Variants in FFAR4 observed in about 807,000 individuals in gnomAD.
The protein encoded by FFAR4 is G-protein coupled receptor 120.
A neutral mutation model predicts 27.0 loss-of-function variants in FFAR4; 19 were observed. The ratio of observed to expected loss-of-function variants is 0.70; its 90% CI spans 0.49 to 1.03. The LOEUF (loss-of-function observed/expected upper bound fraction) is 1.03. FFAR4 is among the 50% of genes least tolerant of loss of function. The pLI, the probability that FFAR4 is intolerant of heterozygous loss-of-function variation, is 0.00. For missense variants in FFAR4, 476 were observed against 479.0 expected, an observed-to-expected ratio of 0.99 and a Z score of 0.06; for synonymous variants, 254 against 215.6, an observed-to-expected ratio of 1.18 and a Z score of -1.56.
At chr10:93,570,771 A>G (rs1301997164) in intron 1 of FFAR4, among the ~76,000 whole-genome samples, 1 of 152,188 alleles carries the variant, frequency 6.6e-6, no homozygotes, top group African/African-American at 2.4e-5. Flanking sequence ...GAGGTGATAA[A>G]TATCCTAGAA....
chr10:93,586,982 G>T (rs11187535), intron 2 of FFAR4, among the ~76,000 whole-genome samples: 44,396 of 151,918 alleles, frequency 0.29, 6,854 homozygotes, highest in African/African-American at 0.37. Context: ...CCCAATTCAG[G>T]CTTTTCACTT....
At chr10:93,575,068 T>C (rs1041963485) in intron 1 of FFAR4, among the ~76,000 whole-genome samples, 1 of 152,254 alleles carries the variant, frequency 6.6e-6, no homozygotes, top group African/African-American at 2.4e-5. Flanking sequence ...AGTGAATGAA[T>C]GAATGAATGG....
At chr10:93,586,732 C>T (rs1440518794) in intron 2 of FFAR4, among the ~76,000 whole-genome samples, 1 of 152,146 alleles carries the variant, frequency 6.6e-6, no homozygotes, top group Non-Finnish European at 1.5e-5. Flanking sequence ...TGCCTGCAAT[C>T]CCACGCCAGG....
intron 2 of FFAR4, among the ~76,000 whole-genome samples, chr10:93,582,106 A>G (rs2058200732): frequency 6.6e-6 from 1 of 152,210 alleles, no homozygotes; most frequent in Admixed American, 6.5e-5. Context: ...GAAATCCTGG[A>G]TCAATGTTAA....
At chr10:93,586,055 C>CG (rs2058225112) in intron 2 of FFAR4, among the ~76,000 whole-genome samples, 1 of 152,240 alleles carries the variant, frequency 6.6e-6, no homozygotes. Context: ...ATCTCCCACT[C>CG]AACAACCTGT....
At chr10:93,575,442 A>T (rs1041909721) in intron 1 of FFAR4, among the ~76,000 whole-genome samples, 1 of 152,260 alleles carries the variant, frequency 6.6e-6, no homozygotes, top group African/African-American at 2.4e-5. Context: ...TAGCAGCAAG[A>T]TCACAAACCT....
In FFAR4 at chr10:93,589,299, C is replaced by T. The variant is rs2058248914; in HGVS notation, c.*1690C>T. On this transcript the variant is annotated 3_prime_UTR_variant, in exon 3 of 3. Coordinates refer to ENST00000371481, the MANE Select transcript of FFAR4 (RefSeq NM_001195755.2). Reference sequence around the variant, plus strand: ...CTGATGAATGTGTGCAAAGATTACCCTGGCTGCTGGGCAGGGAATAGACTC... The same window carrying T: ...CTGATGAATGTGTGCAAAGATTACCTTGGCTGCTGGGCAGGGAATAGACTC... 1 of 152,354 alleles carries T rather than the reference C, an allele frequency of 6.6e-6. No homozygotes were observed. The highest frequency in any genetic ancestry group is 6.5e-5 in the Admixed American group (1 of 15,268). 9.4% of individuals were successfully genotyped at this position (152,354 alleles called of 1,614,324 possible). A position where few individuals can be genotyped will look rare whatever the true frequency, so the allele number is the denominator to read the frequency against.
chr10:93,585,790 G>A (rs2058223506), intron 2 of FFAR4, among the ~76,000 whole-genome samples: 1 of 152,198 alleles, frequency 6.6e-6, no homozygotes, highest in Admixed American at 6.5e-5. Context: ...CCAACCCATG[G>A]GCAGGCCCTT....
chr10:93,578,568 T>G (rs2058179620), intron 2 of FFAR4, among the ~76,000 whole-genome samples: 1 of 152,212 alleles, frequency 6.6e-6, no homozygotes, highest in Non-Finnish European at 1.5e-5. Flanking sequence ...TTACCATCTC[T>G]GGGCCTCAGT....
At chr10:93,583,702 TG>T (rs1226704265) in intron 2 of FFAR4, among the ~76,000 whole-genome samples, 2 of 152,192 alleles carry the variant, frequency 1.3e-5, no homozygotes, top group Non-Finnish European at 2.9e-5. Flanking sequence ...AGCTGAGTAC[TG>T]GTGGGCAAGT....
At chr10:93,570,578 A>G (rs1003790334) in intron 1 of FFAR4, among the ~76,000 whole-genome samples, 1 of 152,216 alleles carries the variant, frequency 6.6e-6, no homozygotes, top group African/African-American at 2.4e-5. Flanking sequence ...GAGAGAATCA[A>G]CCAAGCCTAA....
At position 93,567,080 on chromosome 10, in the gene FFAR4, G is replaced by C. The variant is rs2058102035; in HGVS notation, c.360G>C (p.Leu120=). Residue 120 remains leucine (L), a synonymous_variant, in exon 1 of 3, where the codon CTG becomes CTC. Coordinates refer to ENST00000371481, the MANE Select transcript of FFAR4 (RefSeq NM_001195755.2). ...ACCTGCTCTTCTACGTGATGACCCT[G>C]AGCGGCAGCGTCACCATCCTCACGC... The part of the protein sequence containing the change: ...ACHLLFYVMT[L]SGSVTILTLA... The C allele has an allele frequency of 1.2e-6, 2 of 1,610,352 alleles. No individual in the cohort carries two copies. The highest frequency in any genetic ancestry group is 1.7e-6 in the Non-Finnish European group (2 of 1,179,268).
intron 2 of FFAR4, chr10:93,579,204 G>A: frequency 1.2e-6 from 2 of 1,612,970 alleles, no homozygotes; most frequent in Non-Finnish European, 1.7e-6. Context: ...GACTCACAGT[G>A]AGGTAAAAGG....
At chr10:93,579,099 T>A in intron 2 of FFAR4, 1 of 1,502,646 alleles carries the variant, frequency 6.7e-7, no homozygotes, top group Non-Finnish European at 9.3e-7. Context: ...AAACAGCAGT[T>A]TACTCTCGAA....
chr10:93,573,458 C>T (rs1407494609), intron 1 of FFAR4, among the ~76,000 whole-genome samples: 1 of 152,210 alleles, frequency 6.6e-6, no homozygotes, highest in African/African-American at 2.4e-5. Context: ...CTACATGTCA[C>T]AGCCTGCGGG....
intron 2 of FFAR4, 147 bp from the exon 3 acceptor site, chr10:93,587,073 A>G: frequency 1.5e-6 from 1 of 656,054 alleles, no homozygotes; most frequent in South Asian, 2.1e-5. Context: ...TTTCTCCAGC[A>G]CATCCTAAGC....
At chr10:93,585,995 A>G (rs1028345593) in intron 2 of FFAR4, among the ~76,000 whole-genome samples, 1 of 152,238 alleles carries the variant, frequency 6.6e-6, no homozygotes, top group Non-Finnish European at 1.5e-5. Context: ...AAAGGAACCT[A>G]GGGTGGGGTC....
In FFAR4 at chr10:93,566,789, C is replaced by A. The variant is rs760545954; in HGVS notation, c.69C>A (p.Thr23=). The A allele has an allele frequency of 1.2e-6, 2 of 1,608,934 alleles. No individual in the cohort carries two copies. Among genetic ancestry groups the A allele is most frequent in the South Asian group, 2.2e-5 (2 of 90,694 alleles). The change falls in exon 1 of 3, where the codon ACC becomes ACA. Residue 23 remains threonine (T), a synonymous_variant. Transcript: ENST00000371481. The part of the protein sequence containing the change: ...PLRSLEQANR[T]RFPFFSDVKG... ...GCAGCCTGGAGCAAGCCAACCGCAC[C>A]CGCTTTCCCTTCTTCTCCGACGTCA...
chr10:93,571,874 A>T (rs928904072), intron 1 of FFAR4, among the ~76,000 whole-genome samples: 6 of 152,140 alleles, frequency 3.9e-5, no homozygotes, highest in Non-Finnish European at 1.5e-5. Flanking sequence ...GGGTCTCCAG[A>T]GGTACTGCAG....
Sources: gnomAD v4.1 joint callset for allele counts (sites outside exome capture counted in the v4.1 genomes callset) on GRCh38, gnomAD v4.1.1 for gene constraint, MANE v1.5 for transcripts, NCBI Gene and HGNC (gene_info 2026-07-23, HGNC 2026-07-21) for gene names.